Variants in FGD3 observed in about 807,000 individuals in gnomAD.
FGD3 encodes FYVE, RhoGEF and PH domain containing 3.
Under a neutral mutation model 71.8 loss-of-function variants are expected in FGD3, and 45 were observed. The observed-to-expected ratio is 0.63, with a 90% CI of 0.49 to 0.80. The LOEUF (loss-of-function observed/expected upper bound fraction) is 0.80, where lower values mean the gene tolerates loss of function less well. FGD3 is among the 30% of genes least tolerant of loss of function. The pLI, the probability that FGD3 is intolerant of heterozygous loss-of-function variation, is 0.00. For synonymous variants in FGD3, 378 were observed against 392.8 expected (o/e 0.96, Z 0.44); for missense variants, 844 against 951.5 (o/e 0.89, Z 1.49).
At chr9:93,029,712 C>T (rs925870158) in intron 14 of FGD3, among the ~76,000 whole-genome samples, 162 bp from the exon 15 acceptor site, 3 of 152,256 alleles carry the variant, frequency 2.0e-5, no homozygotes, top group African/African-American at 7.2e-5. Flanking sequence ...GGAAGAGAGA[C>T]GTGGCTGACT....
At chr9:92,960,980 C>T (rs1859157769) in intron 1 of FGD3, among the ~76,000 whole-genome samples, 1 of 151,984 alleles carries the variant, frequency 6.6e-6, no homozygotes, top group Non-Finnish European at 1.5e-5. Flanking sequence ...CTCTTCCAGG[C>T]CTCTCTCCTA....
chr9:93,024,610 C>T (rs557081730), intron 14 of FGD3, among the ~76,000 whole-genome samples: 7 of 152,204 alleles, frequency 4.6e-5, no homozygotes, highest in East Asian at 1.9e-4. Context: ...TGAGCCCATA[C>T]GACATGGAGA....
Position 92,954,034 on chromosome 9 carries a change from T to C in FGD3, c.-218+6305T>C, listed in dbSNP as rs1176886607. Among the ~76,000 whole-genome samples, 8 of 152,318 alleles carry C rather than the reference T, an allele frequency of 5.3e-5. No homozygotes were observed. The East Asian group carries it at 1.5e-3, about 29-fold the overall frequency. On this transcript the variant is annotated intron_variant, in intron 1 of 17. Coordinates refer to ENST00000375482, the MANE Select transcript of FGD3 (RefSeq NM_001083536.2). ...GGTTGGCTTTCCTCCCAAATGCAAA[T>C]ATAATGTTCTACGTAGAAATTTATA...
intron 1 of FGD3, among the ~76,000 whole-genome samples, chr9:92,966,054 G>A (rs930153974): frequency 1.3e-5 from 2 of 152,194 alleles, no homozygotes; most frequent in Non-Finnish European, 2.9e-5. Context: ...GTCAGCTGTC[G>A]GGGCTGAGCC....
intron 1 of FGD3, among the ~76,000 whole-genome samples, chr9:92,972,910 T>A (rs1450852941): frequency 6.6e-6 from 1 of 152,164 alleles, no homozygotes; most frequent in Non-Finnish European, 1.5e-5. Flanking sequence ...CACTTCGTAG[T>A]TTTCATCTCT....
At chr9:93,013,365 G>C (rs887073982) in intron 8 of FGD3, among the ~76,000 whole-genome samples, 1 of 152,196 alleles carries the variant, frequency 6.6e-6, no homozygotes, top group African/African-American at 2.4e-5. Flanking sequence ...CTACACTGGC[G>C]TCTGGCTCAG....
At chr9:93,033,223 T>C (rs187319388) in intron 16 of FGD3, 1 of 369,204 alleles carries the variant, frequency 2.7e-6, no homozygotes, top group East Asian at 6.5e-5. Context: ...TGCCCTTCTC[T>C]CTGCCTGCCT....
rs537416509 is a variant in FGD3 at position 93,001,426 on chromosome 9, G to A, written c.454-1499G>A. ...ATGCTTGCTAAGTCTGATTAAAAGA[G>A]CCCCAGTACCTTCAAGGCCTGTCTA... On this transcript the variant is annotated intron_variant, in intron 3 of 17. Transcript: ENST00000375482. 2.0e-5 allele frequency among the ~76,000 whole-genome samples: 3 copies of A among 152,258 alleles called. No homozygotes were observed. The East Asian group carries it at 5.8e-4, about 29-fold the overall frequency.
intron 10 of FGD3, 27 bp downstream of exon 10, chr9:93,015,856 T>C: frequency 3.1e-6 from 5 of 1,604,974 alleles, no homozygotes; most frequent in Non-Finnish European, 4.3e-6. Context: ...ATCTCAAACC[T>C]GTCCCCCTGG....
At chr9:93,006,437 G>A (rs1220467795) in intron 6 of FGD3, among the ~76,000 whole-genome samples, 1 of 152,188 alleles carries the variant, frequency 6.6e-6, no homozygotes, top group South Asian at 2.1e-4. Context: ...AAGAGGCTGT[G>A]CAAGCTACAG....
At position 92,976,310 on chromosome 9, in the gene FGD3, G is replaced by T; in HGVS notation, c.54G>T (p.Gly18=). The T allele has an allele frequency of 6.2e-7, 1 of 1,610,414 alleles. No individual in the cohort carries two copies. Among genetic ancestry groups the T allele is most frequent in the South Asian group, 1.1e-5 (1 of 90,628 alleles). ...STPPGPIAAL[G]MPDTGPGSSS... ...CTCCAGGACCCATTGCTGCCCTAGGGATGCCAGACACTGGGCCTGGCAGTT... is the reference window on the plus strand; with the variant it reads ...CTCCAGGACCCATTGCTGCCCTAGGTATGCCAGACACTGGGCCTGGCAGTT... The change falls in exon 3 of 18, where the codon GGG becomes GGT. Residue 18 remains glycine, a synonymous_variant. Coordinates refer to ENST00000375482, the MANE Select transcript of FGD3 (RefSeq NM_001083536.2).
chr9:93,004,265 G>A (rs990096604), intron 5 of FGD3, 128 bp downstream of exon 5: 7 of 1,200,228 alleles, frequency 5.8e-6, no homozygotes, highest in Non-Finnish European at 8.2e-6. Context: ...TTCTCTGCAC[G>A]GTCCTGGGTC....
intron 3 of FGD3, among the ~76,000 whole-genome samples, chr9:92,986,887 T>C (rs934636721): frequency 6.6e-6 from 1 of 152,168 alleles, no homozygotes; most frequent in Non-Finnish European, 1.5e-5. Context: ...TAAAAACAAG[T>C]ATAAATCTCA....
At chr9:92,998,199 C>T (rs960005156) in intron 3 of FGD3, among the ~76,000 whole-genome samples, 2 of 152,158 alleles carry the variant, frequency 1.3e-5, no homozygotes, top group African/African-American at 4.8e-5. Flanking sequence ...AACTTCTCTT[C>T]TCACTTCATT....
chr9:93,027,630 A>G (rs1862162514), intron 14 of FGD3, among the ~76,000 whole-genome samples: 1 of 151,612 alleles, frequency 6.6e-6, no homozygotes, highest in African/African-American at 2.4e-5. Context: ...AGCCCATCAC[A>G]GCCTCCAATG....
chr9:93,018,578 C>G (rs1339578277), intron 11 of FGD3, among the ~76,000 whole-genome samples: 1 of 152,192 alleles, frequency 6.6e-6, no homozygotes, highest in Non-Finnish European at 1.5e-5. Flanking sequence ...CTGGGCATCT[C>G]ATTGTCTGGA....
At position 93,035,616 on chromosome 9, in the gene FGD3, C is replaced by CA. The variant is rs1862571055; in HGVS notation, c.*28dup. 1 of 1,563,084 alleles carries CA rather than the reference C, an allele frequency of 6.4e-7. No homozygotes were observed. The highest frequency in any genetic ancestry group is 1.7e-5 in the Admixed American group (1 of 57,906). ...CTGAGTCTCCCACTGCCCTGCACAC[C>CA]ACCACATTGGACCTGTGCTGTCCTG... On this transcript the variant is annotated 3_prime_UTR_variant, in exon 18 of 18. Transcript: ENST00000375482.
chr9:92,970,833 C>T (rs185460184), intron 1 of FGD3, among the ~76,000 whole-genome samples: 5 of 152,350 alleles, frequency 3.3e-5, no homozygotes, highest in Admixed American at 3.3e-4. Flanking sequence ...GCCTTGAAGG[C>T]CAGGCAGTGG....
At chr9:92,967,198 GGT>G (rs955292086) in intron 1 of FGD3, among the ~76,000 whole-genome samples, 2 of 152,130 alleles carry the variant, frequency 1.3e-5, no homozygotes, top group African/African-American at 4.8e-5. Context: ...CCTGACCTCA[GGT>G]GATCCATCTG....
Sources: allele counts gnomAD v4.1 joint callset (sites outside exome capture counted in the v4.1 genomes callset), GRCh38; gene constraint gnomAD v4.1.1; transcripts MANE v1.5; gene names NCBI Gene and HGNC (gene_info 2026-07-23, HGNC 2026-07-21).